TNFAIP8: variants seen among roughly 807,000 people sequenced by gnomAD.
The protein encoded by TNFAIP8 is TNF alpha induced protein 8.
TNFAIP8 carries 7 observed loss-of-function variants against 13.3 expected under a neutral mutation model. The ratio of observed to expected loss-of-function variants is 0.52; its 90% confidence interval spans 0.30 to 0.99. The LOEUF is 0.99. Ranked by LOEUF, TNFAIP8 falls within the 50% of genes least tolerant of loss-of-function variation. The pLI, the probability that TNFAIP8 is intolerant of heterozygous loss-of-function variation, is 0.07. For missense variants in TNFAIP8, 258 were observed against 236.9 expected (o/e 1.09, Z -0.58); for synonymous variants, 94 against 87.6 (o/e 1.07, Z -0.41).
chr5:119,338,011 G>A (rs1218891795), intron 1 of TNFAIP8, among the ~76,000 whole-genome samples: 1 of 152,108 alleles, frequency 6.6e-6, no homozygotes, highest in African/African-American at 2.4e-5. Flanking sequence ...CCGCTGATTT[G>A]CCCCTCTCCT....
chr5:119,300,475 T>G (rs1050532849), intron 1 of TNFAIP8, among the ~76,000 whole-genome samples: 1 of 152,208 alleles, frequency 6.6e-6, no homozygotes, highest in Non-Finnish European at 1.5e-5. Context: ...AGTAATGGAA[T>G]TTTTTTGCAT....
chr5:119,330,257 A>T (rs1036161942), intron 1 of TNFAIP8, among the ~76,000 whole-genome samples: 8 of 152,194 alleles, frequency 5.3e-5, no homozygotes, highest in Admixed American at 2.6e-4. Flanking sequence ...ACGTCCTGGG[A>T]ATGCCAAAGC....
At chr5:119,368,992 G>A (rs180864665) in intron 1 of TNFAIP8, among the ~76,000 whole-genome samples, 14 of 151,608 alleles carry the variant, frequency 9.2e-5, no homozygotes, top group African/African-American at 2.9e-4. Context: ...TGTTCAAATA[G>A]GATGCTTTTA....
intron 1 of TNFAIP8, among the ~76,000 whole-genome samples, chr5:119,270,335 A>G (rs1228867641): frequency 3.9e-5 from 6 of 152,256 alleles, no homozygotes; most frequent in Non-Finnish European, 8.8e-5. Flanking sequence ...CTCTTTAAGG[A>G]AAGAAATAAT....
chr5:119,281,306 A>ACACACACACACACTCTCTCTCTCT, intron 1 of TNFAIP8, among the ~76,000 whole-genome samples: 22 of 114,212 alleles, frequency 1.9e-4, no homozygotes, highest in African/African-American at 6.7e-4. Context: ...ACACACACAC[A>ACACACACACACACTCTCTCTCTCT]CTCTCTCTCT....
chr5:119,312,057 C>G (rs1417057521), intron 1 of TNFAIP8, among the ~76,000 whole-genome samples: 2 of 152,098 alleles, frequency 1.3e-5, no homozygotes. Flanking sequence ...AACTTTTAAA[C>G]TAATGTATAT....
intron 1 of TNFAIP8, among the ~76,000 whole-genome samples, chr5:119,344,427 C>CCTCCA (rs1258164351): frequency 6.6e-6 from 1 of 152,198 alleles, no homozygotes; most frequent in Non-Finnish European, 1.5e-5. Flanking sequence ...TCAGGCCCCA[C>CCTCCA]CTCCATCACA....
chr5:119,294,010 C>T (rs1168329594), intron 1 of TNFAIP8, among the ~76,000 whole-genome samples: 3 of 152,108 alleles, frequency 2.0e-5, no homozygotes, highest in Non-Finnish European at 4.4e-5. Context: ...TCACTTTTAA[C>T]GTGTTAGCTC....
chr5:119,322,611 C>T (rs559918406), intron 1 of TNFAIP8, among the ~76,000 whole-genome samples: 2 of 152,362 alleles, frequency 1.3e-5, no homozygotes, highest in African/African-American at 4.8e-5. Flanking sequence ...TGTAGACAGA[C>T]TGGTCCTCCA....
chr5:119,368,430 C>CGTGT (rs376615641), intron 1 of TNFAIP8, among the ~76,000 whole-genome samples: 33,971 of 132,686 alleles, frequency 0.26, 4,156 homozygotes, highest in East Asian at 0.38. Context: ...TTCTAAGCAG[C>CGTGT]GTGTGTGTGT....
intron 1 of TNFAIP8, among the ~76,000 whole-genome samples, chr5:119,294,453 A>T (rs1165845131): frequency 2.0e-5 from 3 of 152,076 alleles, no homozygotes; most frequent in Non-Finnish European, 4.4e-5. Context: ...TCATTGTTGG[A>T]CATTTGGGTT....
chr5:119,345,294 A>G (rs773906756), intron 1 of TNFAIP8, among the ~76,000 whole-genome samples: 1 of 152,256 alleles, frequency 6.6e-6, no homozygotes, highest in Non-Finnish European at 1.5e-5. Flanking sequence ...AAAATAAACA[A>G]GTATTAGCTA....
At chr5:119,371,994 G>A (rs369410991) in intron 1 of TNFAIP8, among the ~76,000 whole-genome samples, 33 of 151,856 alleles carry the variant, frequency 2.2e-4, no homozygotes, top group South Asian at 2.1e-3. Flanking sequence ...AAAATTAGCC[G>A]GGCGTGGTGG....
intron 1 of TNFAIP8, among the ~76,000 whole-genome samples, chr5:119,383,024 T>G (rs1752545557): frequency 2.0e-5 from 3 of 152,260 alleles, no homozygotes; most frequent in Admixed American, 1.3e-4. Flanking sequence ...GCCTTTAGTA[T>G]TATTAAAGCA....
chr5:119,275,828 T>C (rs557047012), intron 1 of TNFAIP8, among the ~76,000 whole-genome samples: 13 of 152,192 alleles, frequency 8.5e-5, no homozygotes, highest in South Asian at 2.1e-4. Context: ...GCTTTTTTTT[T>C]CCCCTCTAGA....
chr5:119,352,283 A>C (rs1428206754), upstream of TNFAIP8, among the ~76,000 whole-genome samples: 1 of 152,204 alleles, frequency 6.6e-6, no homozygotes, highest in East Asian at 1.9e-4. Flanking sequence ...ATATGGGGAA[A>C]CAGGAGTGAC....
intron 1 of TNFAIP8, among the ~76,000 whole-genome samples, chr5:119,373,360 T>G (rs10036612): frequency 0.026 from 3,975 of 152,342 alleles, 151 homozygotes; most frequent in African/African-American, 0.089. Flanking sequence ...TTTTCATTCA[T>G]TTCATTTAGA....
At chr5:119,288,528 T>C (rs1561984146) in intron 1 of TNFAIP8, among the ~76,000 whole-genome samples, 1 of 152,352 alleles carries the variant, frequency 6.6e-6, no homozygotes, top group East Asian at 1.9e-4. Context: ...TACACATCTT[T>C]AAGAGATTAG....
chr5:119,389,833 G>GATAA (rs2112861844), intron 1 of TNFAIP8, among the ~76,000 whole-genome samples: 1 of 152,254 alleles, frequency 6.6e-6, no homozygotes, highest in South Asian at 2.1e-4. Context: ...GTTCCTCTAG[G>GATAA]ATAAATATGA....
Sources: gnomAD v4.1 joint callset for allele counts (sites outside exome capture counted in the v4.1 genomes callset) on GRCh38, gnomAD v4.1.1 for gene constraint, MANE v1.5 for transcripts, NCBI Gene and HGNC (gene_info 2026-07-23, HGNC 2026-07-21) for gene names.